The following UCHL3 variants were observed in gnomAD, a reference collection of about 807,000 sequenced individuals.
UCHL3 encodes ubiquitin C-terminal hydrolase L3.
UCHL3 carries 22 observed loss-of-function variants against 35.8 expected under a neutral mutation model. The ratio of observed to expected loss-of-function variants is 0.61; its 90% CI spans 0.44 to 0.88. The LOEUF (loss-of-function observed/expected upper bound fraction) is 0.88, where lower values mean the gene tolerates loss of function less well. UCHL3 is among the 40% of genes least tolerant of loss of function. The pLI is 0.00. For missense variants in UCHL3, 229 were observed against 276.9 expected, an observed-to-expected ratio of 0.83 and a Z score of 1.23; for synonymous variants, 90 against 92.8, an observed-to-expected ratio of 0.97 and a Z score of 0.17.
Position 75,552,731 on chromosome 13 carries a change from T to C in UCHL3, c.54+2744T>C, listed in dbSNP as rs2031154903. 3.9e-5 allele frequency among the ~76,000 whole-genome samples: 6 copies of C among 152,240 alleles called. No homozygotes were observed. In the South Asian group the frequency reaches 1.0e-3, roughly 26 times the overall value. On this transcript the variant is annotated intron_variant, in intron 2 of 8. Transcript: ENST00000377595. ...TTACCTATGCATTTAAAGGGGTAAA[T>C]GCAGCTTGCAGCTGAAAGTTACAGA...
At chr13:75,593,737 A>G (rs2032572162) in intron 6 of UCHL3, among the ~76,000 whole-genome samples, 1 of 152,218 alleles carries the variant, frequency 6.6e-6, no homozygotes, top group South Asian at 2.1e-4. Flanking sequence ...ATAACCTCTG[A>G]AGAATAATGT....
At chr13:75,565,992 T>C (rs1566213687) in intron 3 of UCHL3, among the ~76,000 whole-genome samples, 1 of 152,202 alleles carries the variant, frequency 6.6e-6, no homozygotes, top group African/African-American at 2.4e-5. Flanking sequence ...TTATAGATAA[T>C]GGTTAGTGTC....
chr13:75,558,595 A>G (rs2031373056), intron 2 of UCHL3, among the ~76,000 whole-genome samples: 3 of 152,168 alleles, frequency 2.0e-5, no homozygotes, highest in Admixed American at 2.0e-4. Context: ...TAGTCTTCTG[A>G]TTTGATTAAT....
intron 7 of UCHL3, among the ~76,000 whole-genome samples, chr13:75,603,167 C>A (rs1374275728): frequency 1.3e-5 from 2 of 151,854 alleles, no homozygotes; most frequent in Non-Finnish European, 2.9e-5. Flanking sequence ...TTTATTAATT[C>A]TTTGTAAAGG....
intron 6 of UCHL3, among the ~76,000 whole-genome samples, chr13:75,592,448 A>ATATATATATATATATG (rs2032526129): frequency 8.6e-6 from 1 of 116,644 alleles, no homozygotes; most frequent in African/African-American, 3.2e-5. Context: ...ATATATATAT[A>ATATATATATATATATG]TATATATATA....
At chr13:75,558,408 A>G (rs2031364620) in intron 2 of UCHL3, among the ~76,000 whole-genome samples, 1 of 152,204 alleles carries the variant, frequency 6.6e-6, no homozygotes, top group African/African-American at 2.4e-5. Context: ...ACCTTTCACT[A>G]AAATATTCTA....
At chr13:75,567,360 G>A in intron 5 of UCHL3, 48 bp downstream of exon 5, 1 of 1,541,380 alleles carries the variant, frequency 6.5e-7, no homozygotes, top group Non-Finnish European at 9.0e-7. Context: ...AAAGTTTGTG[G>A]GATTGTAGAT....
rs761015496 is a variant in UCHL3, at chr13:75,560,848, T to C, written c.150T>C (p.Cys50=). The C allele has an allele frequency of 1.9e-6, 3 of 1,542,508 alleles. No homozygotes were observed. The highest frequency in any genetic ancestry group is 2.5e-5 in the South Asian group (2 of 81,204). Residue 50 remains cysteine (C), a synonymous_variant, in exon 3 of 9, where the codon TGT becomes TGC. Coordinates refer to ENST00000377595, the MANE Select transcript of UCHL3 (RefSeq NM_006002.5). ...ELLSMVPRPV[C]AVLLLFPITE... is the part of the protein sequence containing the mutation. ...TTAGCATGGTACCAAGACCAGTCTG[T>C]GCAGTCTTACTTCTCTTTCCTATTA...
chr13:75,589,010 G>A (rs990845329), intron 6 of UCHL3, among the ~76,000 whole-genome samples: 1 of 152,126 alleles, frequency 6.6e-6, no homozygotes, highest in African/African-American at 2.4e-5. Flanking sequence ...GTTTGAAAAG[G>A]TGTTCCCAAA....
chr13:75,596,529 A>G (rs1160177002), intron 7 of UCHL3, among the ~76,000 whole-genome samples: 2 of 152,340 alleles, frequency 1.3e-5, no homozygotes, highest in East Asian at 3.9e-4. Context: ...GGGACTTAAC[A>G]GACACATTCT....
intron 7 of UCHL3, chr13:75,604,531 G>C: frequency 2.7e-6 from 1 of 367,486 alleles, no homozygotes; most frequent in Non-Finnish European, 4.8e-6. Flanking sequence ...AGCCAGCATT[G>C]TAATAAATTC....
chr13:75,549,756 G>GGGCGGAAGCGGCGGCGGC (rs1386871970), upstream of UCHL3: 4 of 1,452,806 alleles, frequency 2.8e-6, no homozygotes, highest in Non-Finnish European at 3.6e-6. Flanking sequence ...AGGCGCGCGT[G>GGGCGGAAGCGGCGGCGGC]GGCGGAAGCG....
chr13:75,572,192 C>T (rs2075937648), intron 6 of UCHL3, among the ~76,000 whole-genome samples: 1 of 152,108 alleles, frequency 6.6e-6, no homozygotes, highest in African/African-American at 2.4e-5. Context: ...CAATCTCTTG[C>T]ACTTCTTCTA....
intron 6 of UCHL3, chr13:75,590,283 C>T: frequency 1.0e-6 from 1 of 972,508 alleles, no homozygotes; most frequent in South Asian, 4.8e-5. Context: ...TATCTCTATG[C>T]TTTGCATTCT....
At chr13:75,558,175 GTTGA>G (rs575821961) in intron 2 of UCHL3, among the ~76,000 whole-genome samples, 76 of 152,160 alleles carry the variant, frequency 5.0e-4, no homozygotes, top group African/African-American at 1.7e-3. Flanking sequence ...TCATTTAATT[GTTGA>G]TATGAGTAAG....
upstream of UCHL3, chr13:75,549,768 C>CGGCGGCGGCGAA: frequency 9.5e-7 from 1 of 1,050,272 alleles, no homozygotes; most frequent in Non-Finnish European, 1.2e-6. Context: ...GCGGAAGCGG[C>CGGCGGCGGCGAA]GGCGGCGGCG....
chr13:75,568,101 G>C (rs1264406406), intron 5 of UCHL3, among the ~76,000 whole-genome samples: 1 of 152,034 alleles, frequency 6.6e-6, no homozygotes, highest in Admixed American at 6.5e-5. Context: ...TCAGATGATA[G>C]TGATTTTACC....
At chr13:75,570,360 C>G (rs762693275) in intron 6 of UCHL3, among the ~76,000 whole-genome samples, 1 of 152,070 alleles carries the variant, frequency 6.6e-6, no homozygotes, top group Non-Finnish European at 1.5e-5. Context: ...CTCAGCCTCC[C>G]GAGTCGCTGG....
intron 6 of UCHL3, among the ~76,000 whole-genome samples, chr13:75,581,023 A>G (rs1158549060): frequency 1.3e-5 from 2 of 152,194 alleles, no homozygotes; most frequent in African/African-American, 4.8e-5. Flanking sequence ...TTTGCCGTTA[A>G]CATCTAAGTC....
Sources: gnomAD v4.1 joint callset for allele counts (sites outside exome capture counted in the v4.1 genomes callset) on GRCh38, gnomAD v4.1.1 for gene constraint, MANE v1.5 for transcripts, NCBI Gene and HGNC (gene_info 2026-07-23, HGNC 2026-07-21) for gene names.